PDE1C: variants seen among roughly 807,000 people sequenced by gnomAD.
PDE1C encodes the protein dual specificity calcium/calmodulin-dependent 3',5'-cyclic nucleotide phosphodiesterase 1C.
In PDE1C, 62 loss-of-function variants were observed where a neutral mutation model predicts 93.1. The ratio of observed to expected loss-of-function variants is 0.67; its 90% CI spans 0.54 to 0.82. PDE1C has a LOEUF of 0.82. PDE1C is among the 40% of genes least tolerant of loss of function. The pLI is 0.00. For synonymous variants in PDE1C, 325 were observed against 310.1 expected, an observed-to-expected ratio of 1.05 and a Z score of -0.50; for missense variants, 742 against 884.6, an observed-to-expected ratio of 0.84 and a Z score of 2.04.
intron 1 of PDE1C, among the ~76,000 whole-genome samples, chr7:32,311,883 T>C (rs573671851): frequency 2.6e-5 from 4 of 152,094 alleles, no homozygotes; most frequent in African/African-American, 4.8e-5. Flanking sequence ...CTATTCAACA[T>C]AGTGTTGGAA....
chr7:32,223,730 G>C (rs1190594706), intron 1 of PDE1C, among the ~76,000 whole-genome samples: 1 of 152,164 alleles, frequency 6.6e-6, no homozygotes, highest in Non-Finnish European at 1.5e-5. Context: ...CCAGAATAGT[G>C]CCTGGCACAA....
chr7:32,167,476 T>C (rs1802371218), intron 3 of PDE1C, among the ~76,000 whole-genome samples: 1 of 151,946 alleles, frequency 6.6e-6, no homozygotes, highest in Admixed American at 6.6e-5. Context: ...TAATCTAAGC[T>C]GGTGATAAAA....
At chr7:32,344,822 T>G (rs1473223902) in intron 1 of PDE1C, among the ~76,000 whole-genome samples, 1 of 152,206 alleles carries the variant, frequency 6.6e-6, no homozygotes, top group South Asian at 2.1e-4. Flanking sequence ...GTTCTATTGA[T>G]GCATCCACAA....
At chr7:31,800,157 A>C (rs901633473) in intron 16 of PDE1C, among the ~76,000 whole-genome samples, 2 of 151,560 alleles carry the variant, frequency 1.3e-5, no homozygotes, top group African/African-American at 4.8e-5. Flanking sequence ...TCTATATTTA[A>C]TGAATATCAG....
rs142879590 is a variant in PDE1C, at chr7:31,852,832, T to C, written c.751-2091A>G. On this transcript the variant is annotated intron_variant, in intron 7 of 17. Transcript: ENST00000396191. ...ATATTGCACATTTTTCTTGATATTA[T>C]CCATACATATATTACATATGCAGTT... Among the ~76,000 whole-genome samples the C allele has an allele frequency of 5.3e-4, 79 of 150,236 alleles. No homozygotes were observed. The East Asian group carries it at 0.014, about 27-fold the overall frequency.
intron 2 of PDE1C, among the ~76,000 whole-genome samples, chr7:32,028,253 T>TA: frequency 6.6e-6 from 1 of 152,274 alleles, no homozygotes; most frequent in East Asian, 1.9e-4. Context: ...GGCTAGTGGT[T>TA]ACCATATTGA....
chr7:31,632,115 A>G, the PDE1C span, among the ~76,000 whole-genome samples: 3 of 152,322 alleles, frequency 2.0e-5, no homozygotes, highest in East Asian at 5.8e-4. Flanking sequence ...TTTCAATGCC[A>G]TAGACAACAC....
chr7:32,355,957 T>C (rs1784022479), intron 1 of PDE1C, among the ~76,000 whole-genome samples: 1 of 152,254 alleles, frequency 6.6e-6, no homozygotes, highest in South Asian at 2.1e-4. Flanking sequence ...GTATAATCCA[T>C]TTGGCTCTCA....
intron 2 of PDE1C, among the ~76,000 whole-genome samples, chr7:32,016,390 A>C: frequency 6.6e-6 from 1 of 152,356 alleles, no homozygotes; most frequent in South Asian, 2.1e-4. Flanking sequence ...GTAACCTATC[A>C]ATTATAAAAC....
chr7:31,987,550 A>G lies in PDE1C; in HGVS notation c.128+64004T>C, dbSNP rs144242626. On this transcript the variant is annotated intron_variant, in intron 2 of 17. Coordinates refer to ENST00000396191, the MANE Select transcript of PDE1C (RefSeq NM_001191057.4). ...GTCTCCAGCTGCAGTCTCCTCACAG[A>G]GCTTTGTTCTCTGAGTCCTAGCTCT... 4.3e-4 allele frequency among the ~76,000 whole-genome samples: 66 copies of G among 152,346 alleles called. 1 individual carries two copies. The East Asian group carries it at 0.013, about 29-fold the overall frequency.
In PDE1C at chr7:32,306,671, G is replaced by A. The variant is rs78163769; in HGVS notation, c.311-97132C>T. 6.4e-3 allele frequency among the ~76,000 whole-genome samples: 975 copies of A among 152,248 alleles called. 2 individuals carry two copies. Among genetic ancestry groups the A allele is most frequent in the Non-Finnish European group, 0.011 (737 of 68,024 alleles). On this transcript the variant is annotated intron_variant, in intron 1 of 1. Coordinates refer to the PDE1C transcript ENST00000672256. ...TAAAATACTTCAGTGACTCCCTGTCGCTGTAGAAAAATTGATACTTAGAAT... is the reference window on the plus strand; with the variant it reads ...TAAAATACTTCAGTGACTCCCTGTCACTGTAGAAAAATTGATACTTAGAAT...
chr7:32,384,510 C>A (rs578226237), intron 1 of PDE1C, among the ~76,000 whole-genome samples: 3 of 152,164 alleles, frequency 2.0e-5, no homozygotes, highest in African/African-American at 7.2e-5. Context: ...AAAGAATATG[C>A]CAGGCAGAAA....
upstream of PDE1C, among the ~76,000 whole-genome samples, chr7:32,074,955 T>A (rs576702159): frequency 2.9e-4 from 44 of 152,174 alleles, no homozygotes; most frequent in Non-Finnish European, 5.1e-4. Context: ...CTCCTATAGA[T>A]GTCAGGGAGC....
At chr7:32,401,030 C>G (rs1346990751) in intron 1 of PDE1C, among the ~76,000 whole-genome samples, 3 of 152,230 alleles carry the variant, frequency 2.0e-5, no homozygotes, top group African/African-American at 7.2e-5. Context: ...TGCCCGTATA[C>G]TTTTCACACT....
chr7:31,863,365 A>G lies in PDE1C; in HGVS notation c.750+1577T>C, dbSNP rs146213367. 1.0e-2 allele frequency among the ~76,000 whole-genome samples: 1,518 copies of G among 152,262 alleles called. 14 individuals carry two copies. The highest frequency in any genetic ancestry group is 0.018 in the Non-Finnish European group (1,199 of 68,012). ...CTAAAGGAGATGATCACATTATTTC[A>G]CAGAATATATCTTCAACTTTTGAAG... On this transcript the variant is annotated intron_variant, in intron 7 of 17. Coordinates refer to ENST00000396191, the MANE Select transcript of PDE1C (RefSeq NM_001191057.4).
chr7:32,228,676 C>T (rs570186964), intron 1 of PDE1C, among the ~76,000 whole-genome samples: 11 of 152,280 alleles, frequency 7.2e-5, no homozygotes, highest in African/African-American at 2.2e-4. Flanking sequence ...TCCCACAGCC[C>T]GACCCGATGG....
At chr7:32,079,425 C>G (rs767199384) in intron 3 of PDE1C, among the ~76,000 whole-genome samples, 1 of 152,200 alleles carries the variant, frequency 6.6e-6, no homozygotes, top group African/African-American at 2.4e-5. Context: ...GGTGGCATTT[C>G]AGCTATATTG....
chr7:31,820,739 A>G (rs1788855217), intron 14 of PDE1C: 1 of 152,150 alleles, frequency 6.6e-6, no homozygotes, highest in Non-Finnish European at 1.5e-5. Flanking sequence ...AGTCAACAGC[A>G]TTACTGAGCT....
At chr7:32,303,025 AC>A (rs1200887311), upstream of PDE1C, among the ~76,000 whole-genome samples, 1 of 152,214 alleles carries the variant, frequency 6.6e-6, no homozygotes, top group Non-Finnish European at 1.5e-5. Context: ...CTGAACTGCA[AC>A]CTTGCTCCTT....
Sources: gnomAD v4.1 joint callset for allele counts (sites outside exome capture counted in the v4.1 genomes callset) on GRCh38, gnomAD v4.1.1 for gene constraint, MANE v1.5 for transcripts, NCBI Gene and HGNC (gene_info 2026-07-23, HGNC 2026-07-21) for gene names.